PGBD5: variants seen among roughly 807,000 people sequenced by gnomAD.
The protein encoded by PGBD5 is piggyBac transposable element derived 5, also known as piggyBac transposable element-derived protein 5.
In PGBD5, 14 loss-of-function variants were observed where a neutral mutation model predicts 47.9. The ratio of observed to expected loss-of-function variants is 0.29; its 90% CI spans 0.19 to 0.46. The LOEUF is 0.46. PGBD5 is among the 20% of genes least tolerant of loss of function. The probability of loss-of-function intolerance (pLI) is 1.00; values close to 1 mark genes in which losing one functional copy is unlikely to be tolerated. For synonymous variants in PGBD5, 316 were observed against 306.3 expected, an observed-to-expected ratio of 1.03 and a Z score of -0.33; for missense variants, 635 against 716.0, an observed-to-expected ratio of 0.89 and a Z score of 1.29.
At chr1:230,422,974 A>T (rs11581264) in intron 1 of PGBD5, among the ~76,000 whole-genome samples, 6,656 of 151,912 alleles carry the variant, frequency 0.044, 187 homozygotes, top group Middle Eastern at 0.065. Context: ...TCCCTCATGC[A>T]CAGCGACTCT....
At chr1:230,416,048 C>A (rs190772286) in intron 1 of PGBD5, among the ~76,000 whole-genome samples, 1 of 152,292 alleles carries the variant, frequency 6.6e-6, no homozygotes, top group African/African-American at 2.4e-5. Flanking sequence ...GATATACAAG[C>A]ATTTGTTAAA....
At chr1:230,402,095 G>C (rs1242891045) in intron 1 of PGBD5, among the ~76,000 whole-genome samples, 2 of 152,168 alleles carry the variant, frequency 1.3e-5, no homozygotes, top group Non-Finnish European at 2.9e-5. Context: ...AAGCCTTTCA[G>C]GCTCAGATTT....
At chr1:230,349,752 T>C (rs1318840318) in intron 3 of PGBD5, among the ~76,000 whole-genome samples, 3 of 152,092 alleles carry the variant, frequency 2.0e-5, no homozygotes, top group Non-Finnish European at 2.9e-5. Flanking sequence ...ACTATAGAGA[T>C]GGCAGAGGAC....
In PGBD5 at chr1:230,347,014, G is replaced by T. The variant is rs1667484754; in HGVS notation, c.894+3944C>A. Among the ~76,000 whole-genome samples, 7 of 152,170 alleles carry T rather than the reference G, an allele frequency of 4.6e-5. No homozygotes were observed. The South Asian group carries it at 1.5e-3, about 32-fold the overall frequency. Reference sequence around the variant, plus strand: ...TAAAACTTCTTGAAAACAGGGACCTGTCCAACTCTTACCAATAAATAAATA... The same window carrying T: ...TAAAACTTCTTGAAAACAGGGACCTTTCCAACTCTTACCAATAAATAAATA... On this transcript the variant is annotated intron_variant, in intron 3 of 6. Transcript: ENST00000391860.
chr1:230,325,405 G>C lies in PGBD5; in HGVS notation c.1284C>G (p.Ile428Met). ...AYSPVQQGVI[I>M]KRKSGEIPCP... ...ATGGGATCTCCCCACTCTTCCTTTT[G>C]ATGATGACTCCTGAAGGCGAGAGAC... The change falls in exon 6 of 7, where the codon ATC becomes ATG. Residue 428 changes from isoleucine to methionine, a missense_variant. By Grantham distance (10) the Ile-to-Met change is conservative. Transcript: ENST00000391860. 6.2e-7 allele frequency: 1 copy of C among 1,613,106 alleles called. No homozygotes were observed. The highest frequency in any genetic ancestry group is 1.3e-5 in the African/African-American group (1 of 75,028).
At chr1:230,358,582 C>T (rs1407573474) in intron 1 of PGBD5, among the ~76,000 whole-genome samples, 2 of 152,080 alleles carry the variant, frequency 1.3e-5, no homozygotes, top group African/African-American at 4.8e-5. Context: ...CACACACACA[C>T]ACCTCCCCGC....
At chr1:230,387,805 C>G (rs191517482) in intron 1 of PGBD5, among the ~76,000 whole-genome samples, 3 of 152,152 alleles carry the variant, frequency 2.0e-5, no homozygotes, top group Non-Finnish European at 4.4e-5. Flanking sequence ...CTCCTAGGCT[C>G]GGGCCTGCAA....
intron 5 of PGBD5, among the ~76,000 whole-genome samples, chr1:230,330,952 G>A (rs1416390252): frequency 6.6e-6 from 1 of 152,162 alleles, no homozygotes; most frequent in Non-Finnish European, 1.5e-5. Context: ...TCTGCTTTAA[G>A]AGCTCCAACC....
rs1194305184 is a variant in PGBD5 at position 230,323,386 on chromosome 1, CTCT to C, written c.*36_*38del. On this transcript the variant is annotated 3_prime_UTR_variant, in exon 7 of 7. Transcript: ENST00000391860. The surrounding 1 kb of genome is among the most constrained non-coding windows in gnomAD (Gnocchi z 4.1). ...GTTGGAACGGCAGGCTCTCCTCCTC[CTCT>C]TGCCCCTCCCTTGACCGAGTCCTGC... The C allele has an allele frequency of 6.3e-7, 1 of 1,589,984 alleles. No individual in the cohort carries two copies. The highest frequency in any genetic ancestry group is 1.7e-5 in the Admixed American group (1 of 57,780).
intron 1 of PGBD5, among the ~76,000 whole-genome samples, chr1:230,413,584 T>C (rs778589734): frequency 6.6e-6 from 1 of 152,004 alleles, no homozygotes; most frequent in Non-Finnish European, 1.5e-5. Flanking sequence ...AAAAAGCAAA[T>C]GCAATGGAGA....
intron 1 of PGBD5, among the ~76,000 whole-genome samples, chr1:230,374,287 GGCGCCTGTAATCCCA>G (rs1667979187): frequency 6.6e-6 from 1 of 152,030 alleles, no homozygotes; most frequent in Non-Finnish European, 1.5e-5. Flanking sequence ...CATGGTGGCA[GGCGCCTGTAATCCCA>G]GCTACTCAGG....
Position 230,356,984 on chromosome 1 carries a change from G to C in PGBD5, c.669C>G (p.Ser223Arg). Residue 223 changes from serine (S) to arginine (R), a missense_variant, in exon 2 of 7, where the codon AGC becomes AGG. By Grantham distance (110) the Ser-to-Arg change is moderately radical. Coordinates refer to ENST00000391860, the MANE Select transcript of PGBD5 (RefSeq NM_001258311.2). ...CCTTGTAGAGCCCGTGCGTGGTCTG[G>C]CTGGAGCGGAAGGCCACGACGTGGA... ...KYFHVVAFRS[S>R]QTTHGLYKVQ... 6.2e-7 allele frequency: 1 copy of C among 1,614,218 alleles called. No individual in the cohort carries two copies. The highest frequency in any genetic ancestry group is 8.5e-7 in the Non-Finnish European group (1 of 1,180,044).
chr1:230,372,907 G>A (rs828455), intron 1 of PGBD5, among the ~76,000 whole-genome samples: 108,256 of 151,542 alleles, frequency 0.71, 39,042 homozygotes, highest in Non-Finnish European at 0.74. Flanking sequence ...TCTGTGGTGC[G>A]TCCCCCTCTC....
intron 1 of PGBD5, among the ~76,000 whole-genome samples, chr1:230,388,425 T>C (rs958789052): frequency 1.3e-5 from 2 of 151,288 alleles, no homozygotes; most frequent in African/African-American, 4.9e-5. Flanking sequence ...ATTTTTTTTT[T>C]TTTTTTTTGA....
At chr1:230,339,461 A>G (rs1457917489) in intron 3 of PGBD5, among the ~76,000 whole-genome samples, 1 of 152,232 alleles carries the variant, frequency 6.6e-6, no homozygotes, top group Non-Finnish European at 1.5e-5. Flanking sequence ...TTCCTCAAAA[A>G]AATTAAAAAT....
At chr1:230,339,726 T>C (rs528518121) in intron 3 of PGBD5, among the ~76,000 whole-genome samples, 13 of 152,322 alleles carry the variant, frequency 8.5e-5, no homozygotes, top group Non-Finnish European at 1.5e-4. Context: ...TGGAGGACAT[T>C]AAGCGAAGTG....
At chr1:230,416,090 T>C (rs1657507167) in intron 1 of PGBD5, among the ~76,000 whole-genome samples, 1 of 152,222 alleles carries the variant, frequency 6.6e-6, no homozygotes, top group Non-Finnish European at 1.5e-5. Flanking sequence ...CTGGCTTCCC[T>C]GTAAATTCCT....
At chr1:230,382,627 G>A (rs1656530209) in intron 1 of PGBD5, among the ~76,000 whole-genome samples, 1 of 152,198 alleles carries the variant, frequency 6.6e-6, no homozygotes, top group Non-Finnish European at 1.5e-5. Context: ...GGCAATCCTA[G>A]GTAAACTAGG....
At chr1:230,373,756 C>G (rs1667969297) in intron 1 of PGBD5, among the ~76,000 whole-genome samples, 2 of 152,248 alleles carry the variant, frequency 1.3e-5, no homozygotes, top group Admixed American at 1.3e-4. Flanking sequence ...TACAGTGGCT[C>G]AATCATAGCT....
Sources: allele counts gnomAD v4.1 joint callset (sites outside exome capture counted in the v4.1 genomes callset), GRCh38; gene constraint gnomAD v4.1.1; non-coding constraint Gnocchi (gnomAD v3.1); transcripts MANE v1.5; gene names NCBI Gene and HGNC (gene_info 2026-07-23, HGNC 2026-07-21).